EPHA4: variants seen among roughly 807,000 people sequenced by gnomAD.
EPHA4 encodes ephrin type-A receptor 4.
In EPHA4, 19 loss-of-function variants were observed where a neutral mutation model predicts 108.3. That is an observed-to-expected ratio of 0.18 (90% confidence interval 0.12 to 0.26). EPHA4 has a LOEUF of 0.26. EPHA4 is among the 10% of genes least tolerant of loss of function. The pLI, the probability that EPHA4 is intolerant of heterozygous loss-of-function variation, is 1.00. For missense variants in EPHA4, 917 were observed against 1,254.0 expected, an observed-to-expected ratio of 0.73 and a Z score of 4.06; for synonymous variants, 449 against 455.5, an observed-to-expected ratio of 0.99 and a Z score of 0.18.
At chr2:221,557,135 G>A (rs1010328550) in intron 3 of EPHA4, among the ~76,000 whole-genome samples, 4 of 152,200 alleles carry the variant, frequency 2.6e-5, no homozygotes, top group African/African-American at 9.7e-5. Flanking sequence ...CAGACCACAT[G>A]AAAGGGTCTT....
upstream of EPHA4, chr2:221,573,091 G>GGCT (rs3840474): frequency 0.91 from 138,481 of 152,316 alleles, 62,986 homozygotes; most frequent in Admixed American, 0.93. The surrounding 1 kb of genome is among the most constrained non-coding windows in gnomAD (Gnocchi z 4.5). Context: ...GATGGCCTTG[G>GGCT]GCAGGGAACC....
Position 221,424,342 on chromosome 2 carries a change from A to T in EPHA4, c.*819+867T>A, listed in dbSNP as rs367840460. On this transcript the variant is annotated intron_variant, in intron 17 of 17. Transcript: ENST00000281821. ...ATGTTGCAAAAAAGGTTTTCACTAA[A>T]CTGTCATGATTTGACAGCATCAAAT... Among the ~76,000 whole-genome samples, 1,050 of 152,170 alleles carry T rather than the reference A, an allele frequency of 6.9e-3. 6 individuals carry two copies. The highest frequency in any genetic ancestry group is 0.012 in the Non-Finnish European group (820 of 68,016).
At position 221,572,213 on chromosome 2, in the gene EPHA4, A is replaced by G; in HGVS notation, c.36T>C (p.Cys12=). The G allele has an allele frequency of 6.2e-7, 1 of 1,614,166 alleles. No homozygotes were observed. The highest frequency in any genetic ancestry group is 8.5e-7 in the Non-Finnish European group (1 of 1,179,982). Residue 12 remains cysteine, a synonymous_variant, in exon 1 of 18, where the codon TGT becomes TGC. Transcript: ENST00000281821. ...AGIFYFALFS[C]LFGICDAVTG... ...TGACAGCGTCGCAAATCCCGAAGAG[A>G]CACGAAAATAGGGCGAAATAGAAAA... is the stretch of plus-strand genomic sequence containing the variant.
At chr2:221,562,686 G>A (rs535170326) in intron 3 of EPHA4, among the ~76,000 whole-genome samples, 1 of 152,292 alleles carries the variant, frequency 6.6e-6, no homozygotes, top group South Asian at 2.1e-4. Flanking sequence ...GCCGCAGACT[G>A]TTGATAACTA....
intron 3 of EPHA4, among the ~76,000 whole-genome samples, chr2:221,509,799 CAT>C (rs1692770681): frequency 6.6e-6 from 1 of 152,174 alleles, no homozygotes; most frequent in African/African-American, 2.4e-5. Context: ...GTCTGACATT[CAT>C]ATTCACTGTC....
intron 11 of EPHA4, chr2:221,437,332 C>T (rs975471737): frequency 3.6e-5 from 16 of 442,990 alleles, no homozygotes; most frequent in Middle Eastern, 5.9e-4. Context: ...GATAGTTAAA[C>T]CTTTGGGTGG....
In EPHA4 at chr2:221,448,557, G is replaced by A. The variant is rs182002299; in HGVS notation, c.1716-2376C>T. Reference sequence around the variant, plus strand: ...ATCTTCTTCCTCTCCCTCCACCCCCGTCCTTTCCCTTCTTTTAAAGGAATA... The same window carrying A: ...ATCTTCTTCCTCTCCCTCCACCCCCATCCTTTCCCTTCTTTTAAAGGAATA... On this transcript the variant is annotated intron_variant, in intron 8 of 17. Transcript: ENST00000281821. Among the ~76,000 whole-genome samples, 179 of 152,052 alleles carry A rather than the reference G, an allele frequency of 1.2e-3. 1 individual carries two copies. Among genetic ancestry groups the A allele is most frequent in the Middle Eastern group, 6.8e-3 (2 of 294 alleles).
At chr2:221,555,384 G>T (rs1694276607) in intron 3 of EPHA4, among the ~76,000 whole-genome samples, 2 of 152,188 alleles carry the variant, frequency 1.3e-5, no homozygotes, top group Non-Finnish European at 2.9e-5. Flanking sequence ...TTTGCATGAG[G>T]ACGAATACAG....
chr2:221,510,069 C>A (rs1411830046), intron 3 of EPHA4, among the ~76,000 whole-genome samples: 4 of 152,200 alleles, frequency 2.6e-5, no homozygotes, highest in African/African-American at 7.2e-5. Context: ...ATTCCTATAG[C>A]ACAGTGCATG....
At chr2:221,554,280 ATGT>A (rs1382014178) in intron 3 of EPHA4, among the ~76,000 whole-genome samples, 1 of 152,198 alleles carries the variant, frequency 6.6e-6, no homozygotes, top group East Asian at 1.9e-4. Flanking sequence ...CCACATTTAG[ATGT>A]TGTTTTAACT....
intron 17 of EPHA4, among the ~76,000 whole-genome samples, chr2:221,422,329 C>T (rs541053827): frequency 9.2e-5 from 14 of 152,270 alleles, no homozygotes; most frequent in Non-Finnish European, 1.5e-4. Flanking sequence ...GATCTTAAAA[C>T]GCTAGAGTGT....
chr2:221,418,729 G>T lies in EPHA4; in HGVS notation c.*2643C>A, dbSNP rs1274230734. On this transcript the variant is annotated 3_prime_UTR_variant, in exon 18 of 18. Coordinates refer to ENST00000281821, the MANE Select transcript of EPHA4 (RefSeq NM_004438.5). ...CGGGGTAGTTTCCCACTGCTCTAGA[G>T]ATCGGCACATGAGTTAGCATTGGAG... is the stretch of plus-strand genomic sequence containing the variant. 6.6e-6 allele frequency: 1 copy of T among 152,372 alleles called. No individual in the cohort carries two copies. Among genetic ancestry groups the T allele is most frequent in the African/African-American group, 2.4e-5 (1 of 41,460 alleles). 9.4% of individuals were successfully genotyped at this position (152,372 alleles called of 1,614,324 possible).
At chr2:221,470,574 A>T (rs1355830847) in intron 5 of EPHA4, among the ~76,000 whole-genome samples, 1 of 147,860 alleles carries the variant, frequency 6.8e-6, no homozygotes, top group African/African-American at 2.5e-5. Flanking sequence ...CACTTTAGGG[A>T]ACCTCTGCTT....
chr2:221,499,735 TATATATATATATATATATATA>T (rs1559267578), intron 4 of EPHA4, among the ~76,000 whole-genome samples: 6 of 49,430 alleles, frequency 1.2e-4, no homozygotes, highest in Admixed American at 4.2e-4. Flanking sequence ...TATATATATA[TATATATATATATATATATATA>T]TTTTTTTTTT....
chr2:221,423,374 T>C (rs1689810733), intron 17 of EPHA4, among the ~76,000 whole-genome samples: 1 of 152,228 alleles, frequency 6.6e-6, no homozygotes, highest in Non-Finnish European at 1.5e-5. Flanking sequence ...GCATCATTCC[T>C]ATTGTTCTCA....
chr2:221,448,147 C>T (rs886936852), intron 8 of EPHA4, among the ~76,000 whole-genome samples: 11 of 151,350 alleles, frequency 7.3e-5, no homozygotes, highest in Non-Finnish European at 1.3e-4. Flanking sequence ...CAGCCAGAAT[C>T]TATTATTTAA....
At chr2:221,487,009 G>C (rs1376214084) in intron 4 of EPHA4, among the ~76,000 whole-genome samples, 2 of 152,016 alleles carry the variant, frequency 1.3e-5, no homozygotes, top group Non-Finnish European at 2.9e-5. Context: ...TAGTAACTCA[G>C]TGTAACTAGT....
chr2:221,453,874 G>A lies in EPHA4; in HGVS notation c.1715+1673C>T, dbSNP rs896463432. Among the ~76,000 whole-genome samples the A allele has an allele frequency of 7.2e-4, 109 of 152,118 alleles. 1 individual carries two copies. The highest frequency in any genetic ancestry group is 7.1e-3 in the Admixed American group (108 of 15,266). ...GACACTTTAGAGAGTGAGGATGGGA[G>A]CATGATATTAAGAAATACATGGCCG... On this transcript the variant is annotated intron_variant, in intron 8 of 17. Coordinates refer to ENST00000281821, the MANE Select transcript of EPHA4 (RefSeq NM_004438.5).
chr2:221,521,390 T>C (rs1365627103), intron 3 of EPHA4, among the ~76,000 whole-genome samples: 4 of 152,120 alleles, frequency 2.6e-5, no homozygotes, highest in South Asian at 4.1e-4. Flanking sequence ...CCAGAGACAG[T>C]AGAGATGCTA....
Sources: allele counts gnomAD v4.1 joint callset (sites outside exome capture counted in the v4.1 genomes callset), GRCh38; gene constraint gnomAD v4.1.1; non-coding constraint Gnocchi (gnomAD v3.1); transcripts MANE v1.5; gene names NCBI Gene and HGNC (gene_info 2026-07-23, HGNC 2026-07-21).